The following NKAIN2 variants were observed in gnomAD, a reference collection of about 807,000 sequenced individuals.
NKAIN2 encodes sodium/potassium-transporting ATPase subunit beta-1-interacting protein 2.
A neutral mutation model predicts 32.6 loss-of-function variants in NKAIN2; 14 were observed. That is an observed-to-expected ratio of 0.43 (90% CI 0.28 to 0.67). NKAIN2 has a LOEUF of 0.67. NKAIN2 is among the 30% of genes least tolerant of loss of function. NKAIN2 has a pLI of 0.17. For missense variants in NKAIN2, 198 were observed against 258.3 expected, an observed-to-expected ratio of 0.77 and a Z score of 1.60; for synonymous variants, 80 against 87.2, an observed-to-expected ratio of 0.92 and a Z score of 0.46.
intron 3 of NKAIN2, among the ~76,000 whole-genome samples, chr6:124,516,666 C>T (rs1412668420): frequency 6.6e-6 from 1 of 152,126 alleles, no homozygotes; most frequent in African/African-American, 2.4e-5. Context: ...GATATGTCTG[C>T]ATGTGTATTT....
At chr6:124,758,545 CT>C (rs1389558258) in intron 4 of NKAIN2, among the ~76,000 whole-genome samples, 1 of 152,082 alleles carries the variant, frequency 6.6e-6, no homozygotes, top group East Asian at 1.9e-4. Flanking sequence ...CTATAGCAGC[CT>C]GAACAGACTA....
At chr6:124,236,980 T>A (rs1208378643) in intron 1 of NKAIN2, among the ~76,000 whole-genome samples, 1 of 152,194 alleles carries the variant, frequency 6.6e-6, no homozygotes, top group African/African-American at 2.4e-5. Flanking sequence ...ACACATTGAA[T>A]TCTTCAGTTT....
At chr6:124,456,712 C>T (rs1400706434) in intron 3 of NKAIN2, among the ~76,000 whole-genome samples, 2 of 151,770 alleles carry the variant, frequency 1.3e-5, no homozygotes, top group Non-Finnish European at 2.9e-5. Flanking sequence ...TGAACATTTT[C>T]TTTTAGAATG....
At chr6:124,392,919 C>T (rs1336567180) in intron 3 of NKAIN2, among the ~76,000 whole-genome samples, 2 of 152,088 alleles carry the variant, frequency 1.3e-5, no homozygotes, top group Non-Finnish European at 2.9e-5. Context: ...CTACTTGGCA[C>T]CCTTGAGCCC....
chr6:124,608,883 G>A (rs1426163898), intron 3 of NKAIN2, among the ~76,000 whole-genome samples: 2 of 152,112 alleles, frequency 1.3e-5, no homozygotes, highest in Admixed American at 1.3e-4. Context: ...AATGTCACTT[G>A]GCTACAGGGT....
intron 1 of NKAIN2, among the ~76,000 whole-genome samples, chr6:123,978,848 A>G (rs1387184982): frequency 1.3e-5 from 2 of 152,202 alleles, no homozygotes; most frequent in Non-Finnish European, 1.5e-5. Context: ...TCATGGTTAA[A>G]TAGTTATGGA....
chr6:124,301,337 T>C (rs1301244049), intron 2 of NKAIN2, among the ~76,000 whole-genome samples: 2 of 152,190 alleles, frequency 1.3e-5, no homozygotes, highest in Non-Finnish European at 1.5e-5. Context: ...TGCCTGGATG[T>C]CCAGGTAGAG....
At chr6:123,847,433 A>G (rs1020862361) in intron 1 of NKAIN2, among the ~76,000 whole-genome samples, 2 of 152,208 alleles carry the variant, frequency 1.3e-5, no homozygotes, top group South Asian at 2.1e-4. Flanking sequence ...AGTGGCATGT[A>G]TCCCGGCGGA....
At chr6:124,406,233 C>T (rs1773855318) in intron 3 of NKAIN2, among the ~76,000 whole-genome samples, 1 of 152,082 alleles carries the variant, frequency 6.6e-6, no homozygotes, top group African/African-American at 2.4e-5. Context: ...CTTCTGTCCT[C>T]CCCATACCAC....
At chr6:124,608,389 G>T (rs867699878) in intron 3 of NKAIN2, among the ~76,000 whole-genome samples, 1 of 152,104 alleles carries the variant, frequency 6.6e-6, no homozygotes, top group Non-Finnish European at 1.5e-5. Flanking sequence ...CCTTCAACAA[G>T]ATAGAGGTAG....
intron 1 of NKAIN2, among the ~76,000 whole-genome samples, chr6:123,877,427 A>G (rs1773217965): frequency 6.6e-6 from 1 of 152,230 alleles, no homozygotes; most frequent in African/African-American, 2.4e-5. Context: ...CTTATATTTT[A>G]TGACACATAT....
intron 3 of NKAIN2, among the ~76,000 whole-genome samples, chr6:124,523,321 A>G (rs532139522): frequency 1.3e-5 from 2 of 152,178 alleles, no homozygotes; most frequent in South Asian, 2.1e-4. Context: ...ATTGTCTGGT[A>G]TACGAGGATG....
Position 124,705,992 on chromosome 6 carries a change from T to A in NKAIN2, c.474+47606T>A, listed in dbSNP as rs576825237. 1.5e-3 allele frequency among the ~76,000 whole-genome samples: 232 copies of A among 152,020 alleles called. 1 individual carries two copies. Among genetic ancestry groups the A allele is most frequent in the Non-Finnish European group, 3.0e-3 (205 of 67,988 alleles). On this transcript the variant is annotated intron_variant, in intron 4 of 6. Coordinates refer to ENST00000368417, the MANE Select transcript of NKAIN2 (RefSeq NM_001040214.3). ...GTGACCATTATGTTTTTTGAGAGAT[T>A]GATAATGATGACAACAAAGAGAAGG...
intron 1 of NKAIN2, among the ~76,000 whole-genome samples, chr6:123,927,236 T>A (rs1216966758): frequency 6.6e-6 from 1 of 152,238 alleles, no homozygotes; most frequent in African/African-American, 2.4e-5. Context: ...TATGATTTTA[T>A]GGAAGCAAAG....
At chr6:124,102,746 T>C (rs1298566118) in intron 1 of NKAIN2, among the ~76,000 whole-genome samples, 2 of 152,212 alleles carry the variant, frequency 1.3e-5, no homozygotes, top group Non-Finnish European at 2.9e-5. Context: ...TTAAAAATTT[T>C]GTAATGCAGC....
intron 1 of NKAIN2, among the ~76,000 whole-genome samples, chr6:124,111,497 A>G (rs1785382662): frequency 6.6e-6 from 1 of 151,970 alleles, no homozygotes; most frequent in Non-Finnish European, 1.5e-5. Flanking sequence ...CTTAATGGTC[A>G]TTTGTCTGAT....
chr6:124,464,618 C>T (rs1463386054), intron 3 of NKAIN2, among the ~76,000 whole-genome samples: 1 of 151,922 alleles, frequency 6.6e-6, no homozygotes, highest in East Asian at 1.9e-4. Flanking sequence ...TGTGTTGTAA[C>T]AAAGCACTTA....
chr6:124,802,435 A>G (rs1780302409), intron 5 of NKAIN2, among the ~76,000 whole-genome samples: 1 of 152,238 alleles, frequency 6.6e-6, no homozygotes. Context: ...AGACTGGAAA[A>G]TCTAATCCAT....
intron 1 of NKAIN2, among the ~76,000 whole-genome samples, chr6:124,277,499 C>G (rs991860649): frequency 1.3e-5 from 2 of 151,172 alleles, no homozygotes; most frequent in African/African-American, 4.9e-5. Context: ...CTATAACAGG[C>G]TAATTTTACT....
Sources: gnomAD v4.1 joint callset for allele counts (sites outside exome capture counted in the v4.1 genomes callset) on GRCh38, gnomAD v4.1.1 for gene constraint, MANE v1.5 for transcripts, NCBI Gene and HGNC (gene_info 2026-07-23, HGNC 2026-07-21) for gene names.